The following NPTN variants were observed in gnomAD, a reference collection of about 807,000 sequenced individuals.
The protein encoded by NPTN is neuroplastin, also known as SDR-1.
In NPTN, 5 loss-of-function variants were observed where a neutral mutation model predicts 42.7. That is an observed-to-expected ratio of 0.12 (90% CI 0.06 to 0.25). The LOEUF (loss-of-function observed/expected upper bound fraction) is 0.25. Among genes scored for constraint, NPTN ranks in the 10% least tolerant of loss-of-function variants. The pLI is 1.00. For synonymous variants in NPTN, 180 were observed against 201.9 expected (o/e 0.89, Z 0.92); for missense variants, 307 against 525.4 (o/e 0.58, Z 4.06).
chr15:73,561,486 C>A (rs1239075013), intron 8 of NPTN, among the ~76,000 whole-genome samples: 1 of 152,058 alleles, frequency 6.6e-6, no homozygotes, highest in African/African-American at 2.4e-5. Flanking sequence ...TCAAGACCAC[C>A]CTGGCCAACA....
chr15:73,628,218 G>T (rs1898530939), intron 1 of NPTN, among the ~76,000 whole-genome samples: 1 of 152,106 alleles, frequency 6.6e-6, no homozygotes, highest in African/African-American at 2.4e-5. Flanking sequence ...TACTTTAGAG[G>T]TCCCTGGTCT....
intron 3 of NPTN, among the ~76,000 whole-genome samples, chr15:73,590,682 A>G (rs545434066): frequency 6.6e-6 from 1 of 152,014 alleles, no homozygotes; most frequent in East Asian, 1.9e-4. Flanking sequence ...GGATGGCTTG[A>G]GCCCGGGAGG....
At chr15:73,615,422 G>A (rs1342992533) in intron 1 of NPTN, among the ~76,000 whole-genome samples, 1 of 152,000 alleles carries the variant, frequency 6.6e-6, no homozygotes, top group East Asian at 1.9e-4. Context: ...GGTTGCTTTT[G>A]CCATTCTACA....
chr15:73,578,958 A>G (rs1043349229), intron 4 of NPTN, among the ~76,000 whole-genome samples: 2 of 144,626 alleles, frequency 1.4e-5, no homozygotes, highest in African/African-American at 5.3e-5. Context: ...ATGCCATTGC[A>G]CTCCAGCCTG....
At chr15:73,566,042 C>T (rs1015672976) in intron 6 of NPTN, among the ~76,000 whole-genome samples, 1 of 152,192 alleles carries the variant, frequency 6.6e-6, no homozygotes, top group African/African-American at 2.4e-5. Context: ...TTAAATTTTG[C>T]CTGACCTTAG....
Position 73,560,747 on chromosome 15 carries a change from T to TA in NPTN, c.*315dup. ...TTGCCAATTTAACAGCTGCATTAAG[T>TA]AAAAAATGGCGCATGCATGATCTGA... On this transcript the variant is annotated 3_prime_UTR_variant, in exon 9 of 9. Transcript: ENST00000345330. The TA allele has an allele frequency of 2.6e-5, 4 of 151,918 alleles. No individual in the cohort carries two copies. The Middle Eastern group carries it at 0.01, about 393-fold the overall frequency. The allele number at this position is 151,918 out of a possible 1,614,324, so 9.4% of individuals were successfully genotyped here.
rs974851168 is a variant in NPTN, at chr15:73,597,577, T to A, written c.92-208A>T. Among the ~76,000 whole-genome samples the A allele has an allele frequency of 6.6e-6, 1 of 152,230 alleles. No homozygotes were observed. Among genetic ancestry groups the A allele is most frequent in the Non-Finnish European group, 1.5e-5 (1 of 68,042 alleles). ...GAAGAACCACACCCTGGGAAGCTTA[T>A]GAAGCAAAGGCAGGCTAATTACAAG... is the stretch of plus-strand genomic sequence containing the variant. On this transcript the variant is annotated intron_variant, in intron 1 of 8. Transcript: ENST00000345330. The surrounding 1 kb of genome is among the most constrained non-coding windows in gnomAD (Gnocchi z 6.3).
chr15:73,605,445 T>C (rs1219964908), intron 1 of NPTN, among the ~76,000 whole-genome samples: 3 of 151,720 alleles, frequency 2.0e-5, no homozygotes, highest in Middle Eastern at 3.4e-3. Context: ...TTGGAAAATG[T>C]AGGTCGGGTG....
chr15:73,561,661 T>C (rs140941304), intron 8 of NPTN, among the ~76,000 whole-genome samples: 26 of 152,134 alleles, frequency 1.7e-4, no homozygotes, highest in East Asian at 1.4e-3. Flanking sequence ...GCTTGGGCAA[T>C]AGAGTGAGAC....
At chr15:73,579,460 C>T (rs979325769) in intron 4 of NPTN, among the ~76,000 whole-genome samples, 2 of 151,826 alleles carry the variant, frequency 1.3e-5, no homozygotes, top group African/African-American at 4.8e-5. Context: ...CAGTTATTGG[C>T]AATAGTACTA....
In NPTN at chr15:73,560,615, AAAATAT is replaced by A. The variant is rs1458668029; in HGVS notation, c.*442_*447del. 2 of 149,360 alleles carry A rather than the reference AAAATAT, an allele frequency of 1.3e-5. No individual in the cohort carries two copies. The highest frequency in any genetic ancestry group is 3.0e-5 in the Non-Finnish European group (2 of 67,428). The allele number at this position is 149,360 out of a possible 1,614,324, so 9.3% of individuals were successfully genotyped here. ...TTATTTTGGATTTCTCCCACCCCCA[AAAATAT>A]AAATATATATATATATATATTTATA... On this transcript the variant is annotated 3_prime_UTR_variant, in exon 9 of 9. Coordinates refer to ENST00000345330, the MANE Select transcript of NPTN (RefSeq NM_012428.4).
chr15:73,566,395 T>C (rs1452533865), intron 6 of NPTN, among the ~76,000 whole-genome samples: 1 of 152,218 alleles, frequency 6.6e-6, no homozygotes, highest in Non-Finnish European at 1.5e-5. Context: ...TCTCCATCAG[T>C]AACTTAAAGA....
chr15:73,562,705 T>C (rs1267439712), intron 7 of NPTN, among the ~76,000 whole-genome samples: 1 of 152,192 alleles, frequency 6.6e-6, no homozygotes, highest in East Asian at 1.9e-4. Context: ...CAGGCTATAG[T>C]TCAGCCTCAA....
At chr15:73,561,805 A>G in intron 8 of NPTN, 91 bp downstream of exon 8, 1 of 952,110 alleles carries the variant, frequency 1.1e-6, no homozygotes, top group Non-Finnish European at 1.7e-6. Flanking sequence ...ATATCTTATA[A>G]CACCAATTAC....
intron 4 of NPTN, among the ~76,000 whole-genome samples, chr15:73,580,479 AT>A (rs1237645408): frequency 0.015 from 1,983 of 134,360 alleles, 127 homozygotes; most frequent in African/African-American, 0.057. Flanking sequence ...TTATATATAC[AT>A]AAATATATAT....
intron 6 of NPTN, chr15:73,567,194 C>A: frequency 1.0e-6 from 1 of 985,082 alleles, no homozygotes. Flanking sequence ...TTACCAAGAA[C>A]TCACAGACTG....
chr15:73,573,645 G>C lies in NPTN; in HGVS notation c.840+17C>G. 6.5e-7 allele frequency: 1 copy of C among 1,548,762 alleles called. No homozygotes were observed. Among genetic ancestry groups the C allele is most frequent in the Non-Finnish European group, 8.7e-7 (1 of 1,151,572 alleles). On this transcript the variant is annotated intron_variant, in intron 5 of 8. Transcript: ENST00000345330. ...AAAACTCCAGCAACCAGAGACCCGG[G>C]CCTGCCTCCTACTCACCATGGGCAT...
At chr15:73,575,047 G>T (rs1402970326) in intron 4 of NPTN, among the ~76,000 whole-genome samples, 1 of 152,250 alleles carries the variant, frequency 6.6e-6, no homozygotes, top group Non-Finnish European at 1.5e-5. Flanking sequence ...GCAATGGTGT[G>T]ATCTTGGCTC....
At chr15:73,619,912 C>T (rs1208374457) in intron 1 of NPTN, among the ~76,000 whole-genome samples, 2 of 152,212 alleles carry the variant, frequency 1.3e-5, no homozygotes, top group East Asian at 3.9e-4. Context: ...ATGTACTGTA[C>T]TGGGCATTGT....
Sources: gnomAD v4.1 joint callset for allele counts (sites outside exome capture counted in the v4.1 genomes callset) on GRCh38, gnomAD v4.1.1 for gene constraint, Gnocchi (gnomAD v3.1) non-coding constraint, MANE v1.5 for transcripts, NCBI Gene and HGNC (gene_info 2026-07-23, HGNC 2026-07-21) for gene names.